Variants in DTNBP1 observed in about 807,000 individuals in gnomAD.
DTNBP1 encodes dysbindin.
A neutral mutation model predicts 42.8 loss-of-function variants in DTNBP1; 35 were observed. The observed-to-expected ratio is 0.82, with a 90% CI of 0.63 to 1.09. The LOEUF is 1.09. DTNBP1 is among the 50% of genes least tolerant of loss of function. The pLI is 0.00. For missense variants in DTNBP1, 457 were observed against 424.2 expected (o/e 1.08, Z -0.68); for synonymous variants, 171 against 162.2 (o/e 1.05, Z -0.41).
intron 7 of DTNBP1, among the ~76,000 whole-genome samples, chr6:15,556,270 C>T (rs950866673): frequency 2.0e-5 from 3 of 151,876 alleles, no homozygotes; most frequent in Non-Finnish European, 2.9e-5. Flanking sequence ...CAACCTCCAC[C>T]TCCTAGGTTC....
intron 6 of DTNBP1, among the ~76,000 whole-genome samples, chr6:15,597,640 T>C (rs957004839): frequency 6.6e-6 from 1 of 152,234 alleles, no homozygotes; most frequent in African/African-American, 2.4e-5. Context: ...ATACATTTCA[T>C]GTGCTGCCTT....
chr6:15,631,670 T>G (rs970299507), intron 4 of DTNBP1, among the ~76,000 whole-genome samples: 20 of 152,222 alleles, frequency 1.3e-4, no homozygotes, highest in Non-Finnish European at 2.8e-4. Flanking sequence ...GTTTCACAAA[T>G]GAATTGCAGA....
chr6:15,569,328 G>A (rs2743551), intron 7 of DTNBP1, among the ~76,000 whole-genome samples: 23,116 of 148,770 alleles, frequency 0.16, 2,742 homozygotes, highest in African/African-American at 0.31. Flanking sequence ...AATTACAGTG[G>A]TACAGCTGAA....
At chr6:15,551,793 G>A (rs1424751533) in intron 7 of DTNBP1, among the ~76,000 whole-genome samples, 1 of 152,316 alleles carries the variant, frequency 6.6e-6, no homozygotes, top group Admixed American at 6.5e-5. Flanking sequence ...TGAAGGTACT[G>A]GTAGCAATCA....
In DTNBP1 at chr6:15,523,213, TCAGG is replaced by T; in HGVS notation, c.814_817del (p.Pro272AsnfsTer19). On this transcript the variant is annotated frameshift_variant and splice_region_variant, in exon 10 of 10. Coordinates refer to ENST00000344537, the MANE Select transcript of DTNBP1 (RefSeq NM_032122.5). LOFTEE classifies it low-confidence loss of function (END_TRUNC). ...AATCTCATTCTGACAGGTACTGGAT[TCAGG>T]CCCTGCAAAATAACGTAGGGAAGAA... 1 of 1,614,140 alleles carries T rather than the reference TCAGG, an allele frequency of 6.2e-7. No individual in the cohort carries two copies. The highest frequency in any genetic ancestry group is 8.5e-7 in the Non-Finnish European group (1 of 1,180,002).
chr6:15,659,736 T>G (rs1214253700), intron 1 of DTNBP1, among the ~76,000 whole-genome samples: 1 of 152,048 alleles, frequency 6.6e-6, no homozygotes, highest in Non-Finnish European at 1.5e-5. Flanking sequence ...TATTTTTTAG[T>G]GGAGACGGGG....
At chr6:15,627,242 C>T in intron 5 of DTNBP1, 101 bp downstream of exon 5, 17 of 1,481,572 alleles carry the variant, frequency 1.1e-5, no homozygotes, top group Non-Finnish European at 1.6e-5. Context: ...CCTGTTAACC[C>T]AGAATTTCAT....
At chr6:15,642,186 C>A (rs1230324766) in intron 3 of DTNBP1, among the ~76,000 whole-genome samples, 1 of 152,212 alleles carries the variant, frequency 6.6e-6, no homozygotes, top group Non-Finnish European at 1.5e-5. Context: ...GAGTTGTCTG[C>A]TCCCATCTGG....
At chr6:15,565,687 C>G (rs918201423) in intron 7 of DTNBP1, among the ~76,000 whole-genome samples, 4 of 152,086 alleles carry the variant, frequency 2.6e-5, no homozygotes, top group Non-Finnish European at 4.4e-5. Context: ...GGGTTGGGAG[C>G]TGGGATTGAC....
At chr6:15,622,927 A>C (rs1413183879) in intron 5 of DTNBP1, among the ~76,000 whole-genome samples, 1 of 152,252 alleles carries the variant, frequency 6.6e-6, no homozygotes, top group Non-Finnish European at 1.5e-5. Flanking sequence ...TTCTAACAAA[A>C]TAATTAGCCT....
intron 6 of DTNBP1, among the ~76,000 whole-genome samples, chr6:15,601,108 T>C (rs937312898): frequency 3.3e-4 from 51 of 152,268 alleles, no homozygotes; most frequent in African/African-American, 1.2e-3. Flanking sequence ...TCTGGGATAC[T>C]GGTGTTGAAG....
At chr6:15,602,848 C>T (rs1776782457) in intron 6 of DTNBP1, among the ~76,000 whole-genome samples, 1 of 152,178 alleles carries the variant, frequency 6.6e-6, no homozygotes, top group Non-Finnish European at 1.5e-5. Flanking sequence ...AAAGCTTGAA[C>T]CCCAGCGTGT....
At chr6:15,544,203 T>G (rs947480466) in intron 7 of DTNBP1, among the ~76,000 whole-genome samples, 3 of 152,202 alleles carry the variant, frequency 2.0e-5, no homozygotes, top group Non-Finnish European at 4.4e-5. Flanking sequence ...CTTTTTTCAC[T>G]CAGCATAATT....
At chr6:15,564,388 CAAA>C (rs931407436) in intron 7 of DTNBP1, among the ~76,000 whole-genome samples, 1 of 151,618 alleles carries the variant, frequency 6.6e-6, no homozygotes, top group African/African-American at 2.4e-5. Flanking sequence ...AAGAAGCAGA[CAAA>C]AAAAATTTTT....
intron 1 of DTNBP1, among the ~76,000 whole-genome samples, chr6:15,657,033 G>A (rs748698128): frequency 1.3e-5 from 2 of 152,028 alleles, no homozygotes; most frequent in African/African-American, 4.8e-5. Context: ...TCTCTTAAGC[G>A]AGATCAGGGA....
At chr6:15,610,827 G>A (rs763936927) in intron 6 of DTNBP1, among the ~76,000 whole-genome samples, 8 of 152,180 alleles carry the variant, frequency 5.3e-5, no homozygotes, top group Non-Finnish European at 1.0e-4. Context: ...TGAGAAAGCT[G>A]GAAAAGTTTG....
intron 6 of DTNBP1, among the ~76,000 whole-genome samples, chr6:15,594,420 G>C (rs909473259): frequency 4.0e-5 from 6 of 149,856 alleles, no homozygotes; most frequent in Non-Finnish European, 7.4e-5. Flanking sequence ...AGCCAAGATC[G>C]TACCACTGCA....
chr6:15,614,259 T>G (rs1177217258), intron 6 of DTNBP1, among the ~76,000 whole-genome samples: 2 of 151,986 alleles, frequency 1.3e-5, no homozygotes, highest in Non-Finnish European at 2.9e-5. Flanking sequence ...GGTGGTATAT[T>G]AGTGACCAGC....
chr6:15,548,610 T>C (rs1011725692), intron 7 of DTNBP1, among the ~76,000 whole-genome samples: 1 of 152,170 alleles, frequency 6.6e-6, no homozygotes, highest in African/African-American at 2.4e-5. Context: ...AGTATATAAA[T>C]GATGTTGATG....
Sources: allele counts gnomAD v4.1 joint callset (sites outside exome capture counted in the v4.1 genomes callset), GRCh38; gene constraint gnomAD v4.1.1; transcripts MANE v1.5; gene names NCBI Gene and HGNC (gene_info 2026-07-23, HGNC 2026-07-21).